The following GLIPR1 variants were observed in gnomAD, a reference collection of about 807,000 sequenced individuals.
GLIPR1 encodes the protein glioma pathogenesis-related protein 1.
A neutral mutation model predicts 30.3 loss-of-function variants in GLIPR1; 38 were observed. The observed-to-expected ratio is 1.26, with a 90% confidence interval of 0.97 to 1.65. The LOEUF (loss-of-function observed/expected upper bound fraction) is 1.65. Ranked by LOEUF, GLIPR1 falls within the 40% of genes most tolerant of loss-of-function variation. The pLI is 0.00. For missense variants in GLIPR1, 285 were observed against 326.5 expected (o/e 0.87, Z 0.98); for synonymous variants, 122 against 110.6 (o/e 1.10, Z -0.65).
At chr12:75,485,473 AC>A (rs1184612293) in intron 2 of GLIPR1, among the ~76,000 whole-genome samples, 28 of 152,150 alleles carry the variant, frequency 1.8e-4, no homozygotes, top group African/African-American at 6.8e-4. Flanking sequence ...AGATGGCGCT[AC>A]TGATCTTATT....
At chr12:75,486,408 G>A (rs575309501) in intron 2 of GLIPR1, among the ~76,000 whole-genome samples, 2 of 152,284 alleles carry the variant, frequency 1.3e-5, no homozygotes, top group Non-Finnish European at 2.9e-5. Context: ...TGCTTGCTAT[G>A]TTCCAGAAGC....
chr12:75,490,343 C>T, intron 2 of GLIPR1, 63 bp from the exon 3 acceptor site: 1 of 907,778 alleles, frequency 1.1e-6, no homozygotes, highest in Non-Finnish European at 1.8e-6. Context: ...TTTATGAAGA[C>T]CTAATCATAC....
chr12:75,495,891 A>AC (rs2046347687), intron 4 of GLIPR1: 1 of 327,284 alleles, frequency 3.1e-6, no homozygotes, highest in Admixed American at 4.8e-5. Flanking sequence ...AACAACAACA[A>AC]AAAAAACTGT....
At position 75,501,561 on chromosome 12, in the gene GLIPR1, A is replaced by ATAAAT. The variant is rs2046394231; in HGVS notation, c.*2586_*2590dup. On this transcript the variant is annotated 3_prime_UTR_variant, in exon 6 of 6. Transcript: ENST00000266659. ...AATAGGCATTAGCTGCCTCTAAATT[A>ATAAAT]TAAATTATCTCAGCCATCCCTTGTC... 3.4e-6 allele frequency: 2 copies of ATAAAT among 587,632 alleles called. No individual in the cohort carries two copies. The highest frequency in any genetic ancestry group is 6.0e-6 in the Non-Finnish European group (2 of 335,878). 36.4% of individuals were successfully genotyped at this position (587,632 alleles called of 1,614,324 possible).
At chr12:75,483,105 C>T (rs2046278811) in intron 2 of GLIPR1, among the ~76,000 whole-genome samples, 1 of 152,142 alleles carries the variant, frequency 6.6e-6, no homozygotes, top group Non-Finnish European at 1.5e-5. Flanking sequence ...TACAGATGAA[C>T]CAAGTTTGGT....
At chr12:75,481,807 C>T (rs757050946) in intron 1 of GLIPR1, 27 bp from the exon 2 acceptor site, 1 of 1,610,350 alleles carries the variant, frequency 6.2e-7, no homozygotes, top group Non-Finnish European at 8.5e-7. Flanking sequence ...AGATGAACCC[C>T]CTATTGTTTA....
In GLIPR1 at chr12:75,481,778, C is replaced by T. The variant is rs1297770835; in HGVS notation, c.175-56C>T. The T allele has an allele frequency of 3.2e-6, 5 of 1,543,752 alleles. No homozygotes were observed. In the South Asian group the frequency reaches 4.6e-5, roughly 14 times the overall value. Reference sequence around the variant, plus strand: ...GTTTTCCATTCAAATTCCCACTGTACTCACCCCAGTTACATTTCAGATGAA... The same window carrying T: ...GTTTTCCATTCAAATTCCCACTGTATTCACCCCAGTTACATTTCAGATGAA... On this transcript the variant is annotated intron_variant, in intron 1 of 5. Coordinates refer to ENST00000266659, the MANE Select transcript of GLIPR1 (RefSeq NM_006851.3).
At chr12:75,498,548 G>C (rs537394343) in intron 4 of GLIPR1, 146 bp from the exon 5 acceptor site, 18 of 626,914 alleles carry the variant, frequency 2.9e-5, no homozygotes, top group African/African-American at 2.8e-4. Context: ...AGTTCAAAAA[G>C]TTTTGAATAA....
chr12:75,499,818 T>C lies in GLIPR1; in HGVS notation c.*840T>C. 1.3e-6 allele frequency: 2 copies of C among 1,599,182 alleles called. No individual in the cohort carries two copies. Among genetic ancestry groups the C allele is most frequent in the Non-Finnish European group, 1.7e-6 (2 of 1,174,950 alleles). On this transcript the variant is annotated 3_prime_UTR_variant, in exon 6 of 6. Transcript: ENST00000266659. ...AGGAGTTTTGGGTATGTTACTTTTT[T>C]TTCTTCTTTTTCTTTTCATCTGCCT...
rs1438280523 is a variant in GLIPR1, at chr12:75,498,878, C to G, written c.701C>G (p.Thr234Ser). ...GWPIYPRNRY[T>S]SLFLIVNSVI... ...CCCATATATCCACGTAACAGATACA[C>G]TTCTCTCTTTCTCATTGTTAATTCA... Residue 234 changes from threonine to serine, a missense_variant, in exon 6 of 6, where the codon ACT becomes AGT. Physicochemically the swap from Thr to Ser is moderately conservative, Grantham distance 58. Transcript: ENST00000266659. 11 of 1,609,748 alleles carry G rather than the reference C, an allele frequency of 6.8e-6. No individual in the cohort carries two copies. The highest frequency in any genetic ancestry group is 9.4e-6 in the Non-Finnish European group (11 of 1,176,466).
chr12:75,487,343 T>C (rs971128046), intron 2 of GLIPR1, among the ~76,000 whole-genome samples: 1 of 152,066 alleles, frequency 6.6e-6, no homozygotes, highest in African/African-American at 2.4e-5. Flanking sequence ...AGAATAAAAT[T>C]AAGAAATTTT....
intron 3 of GLIPR1, chr12:75,493,197 G>A (rs2046332970): frequency 6.6e-6 from 1 of 152,210 alleles, no homozygotes; most frequent in Non-Finnish European, 1.5e-5. Flanking sequence ...GGGGAGCGAT[G>A]AGACCTTTAA....
At position 75,502,701 on chromosome 12, in the gene GLIPR1, C is replaced by T. The variant is rs2046403159; in HGVS notation, c.*3723C>T. Reference sequence around the variant, plus strand: ...TTAAGTATGGATGGGATAAATAACTCGCCCAGTCACATAATGAATTAAGTG... The same window carrying T: ...TTAAGTATGGATGGGATAAATAACTTGCCCAGTCACATAATGAATTAAGTG... On this transcript the variant is annotated 3_prime_UTR_variant, in exon 6 of 6. Coordinates refer to ENST00000266659, the MANE Select transcript of GLIPR1 (RefSeq NM_006851.3). The T allele has an allele frequency of 6.6e-6, 1 of 151,966 alleles. No individual in the cohort carries two copies. The highest frequency in any genetic ancestry group is 2.4e-5 in the African/African-American group (1 of 41,412). The allele number at this position is 151,966 out of a possible 1,614,324, so 9.4% of individuals were successfully genotyped here. A position where few individuals can be genotyped will look rare whatever the true frequency, so the allele number is the denominator to read the frequency against.
At position 75,500,011 on chromosome 12, in the gene GLIPR1, AAT is replaced by A; in HGVS notation, c.*1038_*1039del. ...TTAGATTTTACCAAGTAAAACAAAGAATATATGTTTAACAAAGAATATATGTT... is the reference window on the plus strand; with the variant it reads ...TTAGATTTTACCAAGTAAAACAAAGAATATGTTTAACAAAGAATATATGTT... On this transcript the variant is annotated 3_prime_UTR_variant, in exon 6 of 6. Transcript: ENST00000266659. 1 of 1,328,658 alleles carries A rather than the reference AAT, an allele frequency of 7.5e-7. No individual in the cohort carries two copies. The highest frequency in any genetic ancestry group is 1.0e-6 in the Non-Finnish European group (1 of 967,716). 82.3% of individuals were successfully genotyped at this position (1,328,658 alleles called of 1,614,324 possible).
In GLIPR1 at chr12:75,499,914, C is replaced by T; in HGVS notation, c.*936C>T. The T allele has an allele frequency of 6.2e-7, 1 of 1,608,724 alleles. No homozygotes were observed. Among genetic ancestry groups the T allele is most frequent in the Non-Finnish European group, 8.5e-7 (1 of 1,177,772 alleles). The stretch of plus-strand genomic sequence containing the variant: ...TATTCTTTGCTTTCTTAACCTTTTC[C>T]TTGATGCTGGCCACATCAATTTTAG... On this transcript the variant is annotated 3_prime_UTR_variant, in exon 6 of 6. Transcript: ENST00000266659.
In GLIPR1 at chr12:75,498,728, C is replaced by T; in HGVS notation, c.646+8C>T. ...AGCGAGACCAAGTCAAACGTACGTA[C>T]ATCAATCTTAAATTGTTTCATTAAG... On this transcript the variant is annotated splice_region_variant and intron_variant, in intron 5 of 5. Coordinates refer to ENST00000266659, the MANE Select transcript of GLIPR1 (RefSeq NM_006851.3). 6.2e-7 allele frequency: 1 copy of T among 1,612,032 alleles called. No homozygotes were observed. The highest frequency in any genetic ancestry group is 8.5e-7 in the Non-Finnish European group (1 of 1,178,424).
intron 2 of GLIPR1, among the ~76,000 whole-genome samples, chr12:75,482,527 G>C (rs890072566): frequency 6.6e-6 from 1 of 151,964 alleles, no homozygotes; most frequent in African/African-American, 2.4e-5. Context: ...CTCAAACATC[G>C]ACTGAAAACC....
intron 3 of GLIPR1, chr12:75,491,413 C>A (rs1407900184): frequency 6.6e-6 from 1 of 152,152 alleles, no homozygotes; most frequent in South Asian, 2.1e-4. Flanking sequence ...ATGGTACCAC[C>A]ATCCTGTTGA....
Position 75,501,936 on chromosome 12 carries a change from A to AT in GLIPR1, c.*2962dup. 6.2e-7 allele frequency: 1 copy of AT among 1,612,464 alleles called. No individual in the cohort carries two copies. Among genetic ancestry groups the AT allele is most frequent in the East Asian group, 2.2e-5 (1 of 44,806 alleles). On this transcript the variant is annotated 3_prime_UTR_variant, in exon 6 of 6. Transcript: ENST00000266659. ...AAAGTGCCGTACCTTTATTGCTTCCATTTTCTGCCGCTTCTTCTGATTTGC... is the reference window on the plus strand; with the variant it reads ...AAAGTGCCGTACCTTTATTGCTTCCATTTTTCTGCCGCTTCTTCTGATTTGC...
Sources: allele counts gnomAD v4.1 joint callset (sites outside exome capture counted in the v4.1 genomes callset), GRCh38; gene constraint gnomAD v4.1.1; transcripts MANE v1.5; gene names NCBI Gene and HGNC (gene_info 2026-07-23, HGNC 2026-07-21).